PTPRK: variants seen among roughly 807,000 people sequenced by gnomAD.
PTPRK encodes protein tyrosine phosphatase receptor type K, also known as receptor-type tyrosine-protein phosphatase kappa.
A neutral mutation model predicts 178.0 loss-of-function variants in PTPRK; 75 were observed. The observed-to-expected ratio is 0.42, with a 90% CI of 0.35 to 0.51. The LOEUF (loss-of-function observed/expected upper bound fraction) is 0.51. Among genes scored for constraint, PTPRK ranks in the 20% least tolerant of loss-of-function variants. The probability of loss-of-function intolerance (pLI) is 0.02; values close to 1 mark genes in which losing one functional copy is unlikely to be tolerated. For missense variants in PTPRK, 1,441 were observed against 1,797.8 expected, an observed-to-expected ratio of 0.80 and a Z score of 3.59; for synonymous variants, 637 against 620.6, an observed-to-expected ratio of 1.03 and a Z score of -0.39.
chr6:128,360,837 G>A (rs1054704103), intron 2 of PTPRK, among the ~76,000 whole-genome samples: 6 of 152,158 alleles, frequency 3.9e-5, no homozygotes, highest in Admixed American at 2.0e-4. Context: ...ACATTGCACC[G>A]CTAGCATTAA....
chr6:128,119,868 A>G (rs1316912297), intron 7 of PTPRK, among the ~76,000 whole-genome samples: 1 of 152,046 alleles, frequency 6.6e-6, no homozygotes, highest in African/African-American at 2.4e-5. Context: ...AGCAATAGCT[A>G]TATACCAGGC....
At chr6:128,000,351 A>G (rs1562410256) in intron 15 of PTPRK, 1 of 1,258,290 alleles carries the variant, frequency 7.9e-7, no homozygotes, top group Non-Finnish European at 1.0e-6. Context: ...GAAAAAAAAA[A>G]GAACCCTACA....
intron 6 of PTPRK, among the ~76,000 whole-genome samples, chr6:128,200,127 T>C (rs988101874): frequency 1.3e-5 from 2 of 152,196 alleles, no homozygotes; most frequent in African/African-American, 4.8e-5. Flanking sequence ...TCCCAGAGCA[T>C]CTCTCTATTA....
chr6:128,254,934 A>T (rs1294250816), intron 3 of PTPRK, among the ~76,000 whole-genome samples: 2 of 152,198 alleles, frequency 1.3e-5, no homozygotes, highest in East Asian at 3.8e-4. Context: ...AATGGGCCTG[A>T]TTCATAGACC....
intron 2 of PTPRK, among the ~76,000 whole-genome samples, chr6:128,337,720 A>C (rs1831133907): frequency 6.6e-6 from 1 of 152,138 alleles, no homozygotes; most frequent in Non-Finnish European, 1.5e-5. Flanking sequence ...GCAACAACAA[A>C]ATGTGTGCCA....
chr6:128,117,351 G>A (rs1293108992), intron 7 of PTPRK, among the ~76,000 whole-genome samples: 2 of 151,878 alleles, frequency 1.3e-5, no homozygotes, highest in Admixed American at 6.5e-5. Context: ...ATTGTAATTT[G>A]GAGTGCTAAG....
chr6:128,511,230 T>C (rs1857139484), intron 1 of PTPRK, among the ~76,000 whole-genome samples: 1 of 152,188 alleles, frequency 6.6e-6, no homozygotes, highest in Admixed American at 6.5e-5. Flanking sequence ...CTTCCACGCT[T>C]TCCCACTTAG....
intron 18 of PTPRK, among the ~76,000 whole-genome samples, chr6:127,993,846 T>C (rs1234445306): frequency 6.6e-6 from 1 of 151,546 alleles, no homozygotes; most frequent in Non-Finnish European, 1.5e-5. Flanking sequence ...TAGACCAAAA[T>C]ACACTGGGGT....
At chr6:128,254,302 A>G (rs950438276) in intron 3 of PTPRK, among the ~76,000 whole-genome samples, 2 of 152,114 alleles carry the variant, frequency 1.3e-5, no homozygotes, top group Non-Finnish European at 2.9e-5. Context: ...GCACAAATAT[A>G]ATTACATATT....
intron 1 of PTPRK, among the ~76,000 whole-genome samples, chr6:128,411,322 A>C (rs17055834): frequency 0.03 from 4,532 of 152,312 alleles, 206 homozygotes; most frequent in African/African-American, 0.1. Flanking sequence ...CTTTTTCTAA[A>C]TCTCAATGTT....
intron 3 of PTPRK, among the ~76,000 whole-genome samples, chr6:128,262,586 AAAG>A (rs1818334064): frequency 6.6e-6 from 1 of 152,148 alleles, no homozygotes; most frequent in Non-Finnish European, 1.5e-5. Flanking sequence ...GGGGCAAGGC[AAAG>A]AAGGAGGGAG....
chr6:128,101,966 T>G (rs73584692), intron 7 of PTPRK, among the ~76,000 whole-genome samples: 1,662 of 152,294 alleles, frequency 0.011, 24 homozygotes, highest in African/African-American at 0.038. Flanking sequence ...ATAAATAATG[T>G]TTTAATCTGT....
intron 12 of PTPRK, among the ~76,000 whole-genome samples, chr6:128,066,735 T>TAAAA (rs1554284516): frequency 5.4e-5 from 8 of 147,502 alleles, no homozygotes; most frequent in Non-Finnish European, 7.4e-5. Context: ...AATAAATAAA[T>TAAAA]AAAAATAAGT....
chr6:128,207,860 T>C (rs1807255647), intron 6 of PTPRK, among the ~76,000 whole-genome samples: 1 of 152,138 alleles, frequency 6.6e-6, no homozygotes, highest in Admixed American at 6.6e-5. Flanking sequence ...ATGATACCGG[T>C]AACACAGTGG....
At chr6:128,384,385 A>AT (rs35279204) in intron 2 of PTPRK, among the ~76,000 whole-genome samples, 73,428 of 150,444 alleles carry the variant, frequency 0.49, 21,185 homozygotes, top group Admixed American at 0.64. Flanking sequence ...CAATATTTCT[A>AT]TTTTTTTTTT....
At chr6:128,231,329 C>G (rs1047341086) in intron 5 of PTPRK, among the ~76,000 whole-genome samples, 4 of 152,160 alleles carry the variant, frequency 2.6e-5, no homozygotes, top group African/African-American at 9.7e-5. Context: ...TTAAGTGGAT[C>G]AGAATTAACT....
chr6:128,478,862 T>A (rs1584906400), intron 1 of PTPRK, among the ~76,000 whole-genome samples: 1 of 152,126 alleles, frequency 6.6e-6, no homozygotes, highest in South Asian at 2.1e-4. Flanking sequence ...AGATACAAAA[T>A]TCCTTATAGT....
intron 1 of PTPRK, among the ~76,000 whole-genome samples, chr6:128,440,837 A>T (rs1846190894): frequency 6.6e-6 from 1 of 152,060 alleles, no homozygotes; most frequent in Non-Finnish European, 1.5e-5. Context: ...TTCCATGCTG[A>T]TGGACGTTTA....
intron 7 of PTPRK, among the ~76,000 whole-genome samples, chr6:128,157,009 A>G (rs1798043276): frequency 6.6e-6 from 1 of 152,050 alleles, no homozygotes; most frequent in African/African-American, 2.4e-5. Context: ...GTAAGAATGC[A>G]AATGAATTAC....
Sources: allele counts gnomAD v4.1 joint callset (sites outside exome capture counted in the v4.1 genomes callset), GRCh38; gene constraint gnomAD v4.1.1; transcripts MANE v1.5; gene names NCBI Gene and HGNC (gene_info 2026-07-23, HGNC 2026-07-21).